HSD17B4: variants seen among roughly 807,000 people sequenced by gnomAD.
HSD17B4 encodes the protein hydroxysteroid 17-beta dehydrogenase 4.
In HSD17B4, 70 loss-of-function variants were observed where a neutral mutation model predicts 101.0. The observed-to-expected ratio is 0.69, with a 90% CI of 0.57 to 0.85. The LOEUF (loss-of-function observed/expected upper bound fraction) is 0.85. Ranked by LOEUF, HSD17B4 falls within the 40% of genes least tolerant of loss-of-function variation. The pLI is 0.00. For synonymous variants in HSD17B4, 347 were observed against 297.1 expected (o/e 1.17, Z -1.73); for missense variants, 984 against 892.4 (o/e 1.10, Z -1.31).
intron 16 of HSD17B4, among the ~76,000 whole-genome samples, chr5:119,511,777 G>T (rs1418852744): frequency 6.6e-6 from 1 of 152,214 alleles, no homozygotes; most frequent in African/African-American, 2.4e-5. Flanking sequence ...ACAAGCCCTG[G>T]AAGGGGTGGG....
intron 17 of HSD17B4, among the ~76,000 whole-genome samples, chr5:119,521,704 A>G (rs986915679): frequency 3.3e-5 from 5 of 150,332 alleles, no homozygotes; most frequent in Admixed American, 3.3e-4. Flanking sequence ...TTTTCTTTCC[A>G]TTTCTTTCTT....
intron 17 of HSD17B4, among the ~76,000 whole-genome samples, chr5:119,516,434 G>A (rs752760634): frequency 4.6e-5 from 7 of 152,008 alleles, no homozygotes; most frequent in Non-Finnish European, 1.0e-4. Context: ...AGTAAGTAGT[G>A]GGGTTTTCTT....
At chr5:119,459,354 A>C (rs572640955) in intron 2 of HSD17B4, among the ~76,000 whole-genome samples, 1 of 152,226 alleles carries the variant, frequency 6.6e-6, no homozygotes, top group East Asian at 1.9e-4. Context: ...AAAGGAACCA[A>C]TATCAGTCCC....
chr5:119,525,713 G>GTTTTTTTTT (rs748728829), intron 18 of HSD17B4: 15 of 483,998 alleles, frequency 3.1e-5, no homozygotes, highest in African/African-American at 6.2e-5. Context: ...TTCCTGTTTT[G>GTTTTTTTTT]TTTTTTTTTT....
chr5:119,506,803 T>A lies in HSD17B4; in HGVS notation c.1262-15T>A, dbSNP rs1317441277. The A allele has an allele frequency of 3.2e-5, 47 of 1,468,614 alleles. No homozygotes were observed. Among genetic ancestry groups the A allele is most frequent in the Non-Finnish European group, 4.4e-5 (46 of 1,049,356 alleles). 91.0% of individuals were successfully genotyped at this position (1,468,614 alleles called of 1,614,324 possible). ...GGTTTTTAAGACACTGTATTTCTTTTACTTTTCTTTCTAGGAAAATTAAAA... is the reference window on the plus strand; with the variant it reads ...GGTTTTTAAGACACTGTATTTCTTTAACTTTTCTTTCTAGGAAAATTAAAA... On this transcript the variant is annotated splice_polypyrimidine_tract_variant and intron_variant, in intron 14 of 23. Coordinates refer to ENST00000510025, the MANE Select transcript of HSD17B4 (RefSeq NM_000414.4).
At chr5:119,529,857 A>T in intron 20 of HSD17B4, 37 bp from the exon 21 acceptor site, 2 of 1,210,700 alleles carry the variant, frequency 1.7e-6, no homozygotes, top group Non-Finnish European at 2.4e-6. Flanking sequence ...TTCCATTGTA[A>T]TCAGAATAAA....
rs141649447 is a variant in HSD17B4, at chr5:119,517,859, C to T, written c.1503+2813C>T. On this transcript the variant is annotated intron_variant, in intron 17 of 23. Coordinates refer to ENST00000510025, the MANE Select transcript of HSD17B4 (RefSeq NM_000414.4). ...GTGTCTAGCTCAGGGTTTGTGAATGCACCAATTGATACTCTGTATTTAGCT... is the reference window on the plus strand; with the variant it reads ...GTGTCTAGCTCAGGGTTTGTGAATGTACCAATTGATACTCTGTATTTAGCT... Among the ~76,000 whole-genome samples the T allele has an allele frequency of 1.2e-3, 177 of 152,308 alleles. 1 individual carries two copies. Among genetic ancestry groups the T allele is most frequent in the African/African-American group, 3.8e-3 (158 of 41,556 alleles).
rs915319018 is a variant in HSD17B4, at chr5:119,536,639, T to C, written c.2121+89T>C. On this transcript the variant is annotated intron_variant, in intron 23 of 23. Coordinates refer to ENST00000510025, the MANE Select transcript of HSD17B4 (RefSeq NM_000414.4). Reference sequence around the variant, plus strand: ...TTTAAGCTGATGCCCAAATTCTGATTTATAAGCCAGGTTTCTTACAACTCT... The same window carrying C: ...TTTAAGCTGATGCCCAAATTCTGATCTATAAGCCAGGTTTCTTACAACTCT... The C allele has an allele frequency of 3.0e-5, 37 of 1,242,184 alleles. No individual in the cohort carries two copies. The African/African-American group carries it at 4.3e-4, about 14-fold the overall frequency. The allele number at this position is 1,242,184 out of a possible 1,614,324, so 76.9% of individuals were successfully genotyped here. A position where few individuals can be genotyped will look rare whatever the true frequency, so the allele number is the denominator to read the frequency against.
rs1388424538 is a variant in HSD17B4, at chr5:119,536,531, G to T, written c.2102G>T (p.Gly701Val). The change falls in exon 23 of 24, where the codon GGC becomes GTC. Residue 701 changes from glycine (G) to valine (V), a missense_variant. Gly to Val is a moderately radical substitution (Grantham distance 109). Transcript: ENST00000510025. ...SDEDFMEVVL[G>V]KLDPQKAFFS... ...GAAGATTTCATGGAGGTGGTCCTGG[G>T]CAAGCTTGACCCTCAGAAGGTAATG... 6.2e-7 allele frequency: 1 copy of T among 1,611,896 alleles called. No individual in the cohort carries two copies. Among genetic ancestry groups the T allele is most frequent in the Admixed American group, 1.7e-5 (1 of 59,848 alleles).
chr5:119,505,842 C>T (rs1751596860), intron 14 of HSD17B4, among the ~76,000 whole-genome samples: 1 of 151,588 alleles, frequency 6.6e-6, no homozygotes, highest in South Asian at 2.1e-4. Flanking sequence ...GTTGTATGCT[C>T]AACAAATGTT....
At chr5:119,526,262 A>G (rs1207035018) in intron 19 of HSD17B4, among the ~76,000 whole-genome samples, 3 of 145,222 alleles carry the variant, frequency 2.1e-5, no homozygotes, top group African/African-American at 7.7e-5. Flanking sequence ...GTTGCTTTAT[A>G]AATTAATTAG....
chr5:119,536,422 G>C lies in HSD17B4; in HGVS notation c.1994-1G>C. Reference sequence around the variant, plus strand: ...CATTGGTTTCTTCCTATTTTTCCCAGCTATTGACCTGAAAAGTGGTTCTGG... The same window carrying C: ...CATTGGTTTCTTCCTATTTTTCCCACCTATTGACCTGAAAAGTGGTTCTGG... On this transcript the variant is annotated splice_acceptor_variant, in intron 22 of 23. Transcript: ENST00000510025. LOFTEE classifies it high-confidence loss of function. 1.2e-6 allele frequency: 2 copies of C among 1,611,978 alleles called. No homozygotes were observed. The highest frequency in any genetic ancestry group is 1.7e-6 in the Non-Finnish European group (2 of 1,178,466).
intron 16 of HSD17B4, among the ~76,000 whole-genome samples, chr5:119,514,513 G>A (rs1278122997): frequency 6.6e-6 from 1 of 152,112 alleles, no homozygotes; most frequent in Non-Finnish European, 1.5e-5. Context: ...AATTTTAAGT[G>A]TTGGCATTAA....
chr5:119,492,292 A>C (rs1750180626), intron 10 of HSD17B4, 168 bp downstream of exon 10: 1 of 673,350 alleles, frequency 1.5e-6, no homozygotes, highest in African/African-American at 1.8e-5. Context: ...AAACATTGTG[A>C]TTGTCCTATA....
chr5:119,492,281 T>A (rs1456627081), intron 10 of HSD17B4, 157 bp downstream of exon 10: 1 of 700,156 alleles, frequency 1.4e-6, no homozygotes, highest in Non-Finnish European at 2.6e-6. Context: ...CAGGTATTTT[T>A]AAACATTGTG....
intron 9 of HSD17B4, among the ~76,000 whole-genome samples, chr5:119,491,069 G>A (rs1166945677): frequency 6.6e-6 from 1 of 152,156 alleles, no homozygotes; most frequent in East Asian, 1.9e-4. Flanking sequence ...ACTTTTTGAA[G>A]TTCTGATAGA....
chr5:119,481,771 G>A (rs2546207), intron 8 of HSD17B4, among the ~76,000 whole-genome samples: 3,168 of 152,166 alleles, frequency 0.021, 95 homozygotes, highest in African/African-American at 0.072. Flanking sequence ...TGTGAAAAAC[G>A]CAATATTTGC....
chr5:119,533,935 G>A (rs189197708), intron 22 of HSD17B4, among the ~76,000 whole-genome samples: 3 of 152,156 alleles, frequency 2.0e-5, no homozygotes, highest in South Asian at 4.1e-4. Context: ...TTTTAAATAT[G>A]CAATTTGTCA....
In HSD17B4 at chr5:119,527,217, A is replaced by G. The variant is rs1481423075; in HGVS notation, c.1765A>G (p.Lys589Glu). 8.2e-6 allele frequency: 13 copies of G among 1,589,126 alleles called. No individual in the cohort carries two copies. Among genetic ancestry groups the G allele is most frequent in the Non-Finnish European group, 1.1e-5 (13 of 1,157,922 alleles). The change falls in exon 20 of 24, where the codon AAG (lysine) becomes GAG (glutamate). Residue 589 changes from lysine (K) to glutamate (E), a missense_variant and splice_region_variant. Lys to Glu is a moderately conservative substitution (Grantham distance 56). Transcript: ENST00000510025. ...AGGAAACAGAATTCATTTTCAAACCAAGGTATGAATTTTGCTTTTTCACCC... is the reference window on the plus strand; with the variant it reads ...AGGAAACAGAATTCATTTTCAAACCGAGGTATGAATTTTGCTTTTTCACCC... Reference protein sequence around the residue: ...KEGNRIHFQTKVQETGDIVIS... With the variant: ...KEGNRIHFQTEVQETGDIVIS...
Sources: gnomAD v4.1 joint callset for allele counts (sites outside exome capture counted in the v4.1 genomes callset) on GRCh38, gnomAD v4.1.1 for gene constraint, MANE v1.5 for transcripts, NCBI Gene and HGNC (gene_info 2026-07-23, HGNC 2026-07-21) for gene names.